AHI1: variants seen among roughly 807,000 people sequenced by gnomAD.
AHI1 encodes Abelson helper integration site 1, also known as jouberin.
Under a neutral mutation model 149.3 loss-of-function variants are expected in AHI1, and 123 were observed. The observed-to-expected ratio is 0.82, with a 90% CI of 0.71 to 0.96. AHI1 has a LOEUF of 0.96. AHI1 is among the 40% of genes least tolerant of loss of function. The pLI is 0.00. For missense variants in AHI1, 1,439 were observed against 1,422.7 expected, an observed-to-expected ratio of 1.01 and a Z score of -0.18; for synonymous variants, 475 against 459.8, an observed-to-expected ratio of 1.03 and a Z score of -0.42.
intron 16 of AHI1, among the ~76,000 whole-genome samples, chr6:135,432,437 C>T (rs1338827782): frequency 1.3e-5 from 2 of 152,172 alleles, no homozygotes; most frequent in Admixed American, 1.3e-4. Flanking sequence ...ACTGCAACCT[C>T]TACCTCCAGG....
At chr6:135,414,818 T>TTTA (rs1282211178) in intron 20 of AHI1, among the ~76,000 whole-genome samples, 57 of 151,878 alleles carry the variant, frequency 3.8e-4, no homozygotes, top group Non-Finnish European at 1.5e-5. Context: ...TTATTTTTAT[T>TTTA]TTATTATTAT....
chr6:135,459,359 A>G (rs1010213768), intron 8 of AHI1, among the ~76,000 whole-genome samples: 1 of 152,194 alleles, frequency 6.6e-6, no homozygotes, highest in Non-Finnish European at 1.5e-5. Context: ...GATGCAGGTA[A>G]AGTAGTACTT....
chr6:135,362,000 C>A (rs78523900), intron 23 of AHI1, among the ~76,000 whole-genome samples: 1,804 of 152,238 alleles, frequency 0.012, 28 homozygotes, highest in African/African-American at 0.04. Context: ...CTGTCCCACC[C>A]TTTCCAAGTC....
At chr6:135,403,832 T>C (rs73562006) in intron 22 of AHI1, among the ~76,000 whole-genome samples, 2,229 of 152,138 alleles carry the variant, frequency 0.015, 79 homozygotes, top group African/African-American at 0.051. Flanking sequence ...ATATTCCATA[T>C]CCTGTTGACT....
At chr6:135,394,942 T>TTAC (rs1264250442) in intron 22 of AHI1, 46 bp from the exon 23 acceptor site, 8 of 1,555,502 alleles carry the variant, frequency 5.1e-6, no homozygotes, top group Non-Finnish European at 7.0e-6. Flanking sequence ...ATTTCCTGGA[T>TTAC]TACTAATGCA....
At chr6:135,480,069 T>C (rs1328797128) in intron 5 of AHI1, among the ~76,000 whole-genome samples, 2 of 152,216 alleles carry the variant, frequency 1.3e-5, no homozygotes, top group African/African-American at 4.8e-5. Context: ...CTAAATCTCT[T>C]TTTTTCATAA....
rs369389268 is a variant in AHI1 at position 135,497,721 on chromosome 6, A to T, written c.-340T>A. The T allele has an allele frequency of 5.8e-6, 1 of 171,284 alleles. No individual in the cohort carries two copies. The highest frequency in any genetic ancestry group is 1.9e-4 in the East Asian group (1 of 5,230). The allele number at this position is 171,284 out of a possible 1,614,324, so 10.6% of individuals were successfully genotyped here. A position where few individuals can be genotyped will look rare whatever the true frequency, so the allele number is the denominator to read the frequency against. On this transcript the variant is annotated 5_prime_UTR_variant, in exon 1 of 29. Coordinates refer to ENST00000265602, the MANE Select transcript of AHI1 (RefSeq NM_001134831.2). Reference sequence around the variant, plus strand: ...TAACCCGCCAGCGACCCGTGTCCTGAAAGCAAGCCGCGGCTCTGTGCCGCA... The same window carrying T: ...TAACCCGCCAGCGACCCGTGTCCTGTAAGCAAGCCGCGGCTCTGTGCCGCA...
At chr6:135,460,017 C>T (rs1433757860) in intron 8 of AHI1, among the ~76,000 whole-genome samples, 1 of 151,792 alleles carries the variant, frequency 6.6e-6, no homozygotes, top group Admixed American at 6.6e-5. Context: ...TGTAGTGAGA[C>T]CTTGTCTCTA....
intron 21 of AHI1, among the ~76,000 whole-genome samples, chr6:135,405,517 C>T (rs908783314): frequency 2.1e-4 from 32 of 151,882 alleles, no homozygotes; most frequent in African/African-American, 7.3e-4. Context: ...TAGTAAAAGT[C>T]GATGTATTAT....
intron 24 of AHI1, among the ~76,000 whole-genome samples, chr6:135,342,964 C>T (rs1011313217): frequency 6.6e-5 from 10 of 150,938 alleles, no homozygotes; most frequent in South Asian, 2.1e-4. Flanking sequence ...AAAAGGCACC[C>T]GGATCGGAAA....
intron 21 of AHI1, among the ~76,000 whole-genome samples, chr6:135,407,571 C>T (rs552354366): frequency 6.6e-6 from 1 of 152,168 alleles, no homozygotes; most frequent in South Asian, 2.1e-4. Flanking sequence ...CAGCTTCTAT[C>T]TACCTCAATA....
At chr6:135,443,137 G>A (rs571901900) in intron 13 of AHI1, among the ~76,000 whole-genome samples, 1 of 152,270 alleles carries the variant, frequency 6.6e-6, no homozygotes, top group African/African-American at 2.4e-5. Flanking sequence ...AAGCCAGAAT[G>A]TATGAATGCT....
rs144288568 is a variant in AHI1, at chr6:135,350,265, T to G, written c.3165+7867A>C. ...CTTCCTTTCTGGGCCCTGTTCTCAT[T>G]CTCCCAGAGACAGCATAAAAACACA... On this transcript the variant is annotated intron_variant, in intron 24 of 28. Coordinates refer to ENST00000265602, the MANE Select transcript of AHI1 (RefSeq NM_001134831.2). Among the ~76,000 whole-genome samples the G allele has an allele frequency of 3.5e-4, 54 of 152,248 alleles. No homozygotes were observed. In the East Asian group the frequency reaches 0.01, roughly 28 times the overall value.
At chr6:135,459,740 TAAA>T (rs58235668) in intron 8 of AHI1, among the ~76,000 whole-genome samples, 27 of 118,542 alleles carry the variant, frequency 2.3e-4, no homozygotes, top group Non-Finnish European at 2.8e-4. Flanking sequence ...CTGACAGAAG[TAAA>T]AAAAAAAAAA....
intron 20 of AHI1, among the ~76,000 whole-genome samples, chr6:135,412,547 T>C (rs915027408): frequency 1.3e-5 from 2 of 152,212 alleles, no homozygotes; most frequent in Non-Finnish European, 2.9e-5. Context: ...GTTCTGATGA[T>C]GACTGATCAT....
intron 20 of AHI1, among the ~76,000 whole-genome samples, chr6:135,418,841 A>G (rs1471680457): frequency 6.6e-6 from 1 of 151,846 alleles, no homozygotes; most frequent in Admixed American, 6.6e-5. Flanking sequence ...TCCAGTTATA[A>G]TATCATCCCT....
intron 27 of AHI1, among the ~76,000 whole-genome samples, chr6:135,299,344 C>T (rs900691667): frequency 5.3e-5 from 8 of 152,270 alleles, no homozygotes; most frequent in African/African-American, 1.7e-4. Context: ...CTGGAAGAGA[C>T]ATATTATTCT....
chr6:135,316,210 CCTTT>C (rs2128372842), intron 26 of AHI1, among the ~76,000 whole-genome samples: 1 of 152,238 alleles, frequency 6.6e-6, no homozygotes, highest in Non-Finnish European at 1.5e-5. Flanking sequence ...TCCTTGGTGT[CCTTT>C]CTTTATCTGT....
intron 26 of AHI1, among the ~76,000 whole-genome samples, chr6:135,306,257 G>C (rs1022330269): frequency 2.0e-5 from 3 of 152,196 alleles, no homozygotes; most frequent in Admixed American, 6.5e-5. Context: ...AGAAGAATGT[G>C]AGAAAGGAAA....
Sources: allele counts gnomAD v4.1 joint callset (sites outside exome capture counted in the v4.1 genomes callset), GRCh38; gene constraint gnomAD v4.1.1; transcripts MANE v1.5; gene names NCBI Gene and HGNC (gene_info 2026-07-23, HGNC 2026-07-21).